TMEM74: variants seen among roughly 807,000 people sequenced by gnomAD.
The protein encoded by TMEM74 is transmembrane protein 74.
Under a neutral mutation model 18.1 loss-of-function variants are expected in TMEM74, and 13 were observed. The ratio of observed to expected loss-of-function variants is 0.72; its 90% CI spans 0.47 to 1.14. TMEM74 has a LOEUF of 1.14. Ranked by LOEUF, TMEM74 falls within the 50% of genes most tolerant of loss-of-function variation. The pLI, the probability that TMEM74 is intolerant of heterozygous loss-of-function variation, is 0.00. For missense variants in TMEM74, 372 were observed against 375.9 expected, an observed-to-expected ratio of 0.99 and a Z score of 0.09; for synonymous variants, 159 against 146.6, an observed-to-expected ratio of 1.08 and a Z score of -0.61.
intron 1 of TMEM74, among the ~76,000 whole-genome samples, chr8:108,704,460 C>T (rs555652921): frequency 1.1e-4 from 17 of 152,172 alleles, no homozygotes; most frequent in Non-Finnish European, 1.9e-4. Context: ...AACTTTTTAT[C>T]GATTTGTGAT....
chr8:108,643,188 A>C (rs1812683329), intron 2 of TMEM74, among the ~76,000 whole-genome samples: 1 of 152,310 alleles, frequency 6.6e-6, no homozygotes, highest in East Asian at 1.9e-4. Flanking sequence ...AGTGTGCATC[A>C]AAATCATTTG....
intron 2 of TMEM74, among the ~76,000 whole-genome samples, chr8:108,631,581 A>C (rs1812552721): frequency 6.6e-6 from 1 of 152,002 alleles, no homozygotes; most frequent in Non-Finnish European, 1.5e-5. Context: ...TTTTCCTTGT[A>C]AATTGGTTTA....
chr8:108,617,047 G>A (rs1812391267), intron 2 of TMEM74, among the ~76,000 whole-genome samples: 1 of 151,838 alleles, frequency 6.6e-6, no homozygotes, highest in Non-Finnish European at 1.5e-5. Context: ...TAGAGTGGAA[G>A]AGGAGATGAT....
At chr8:108,736,252 G>A (rs1489224501) in intron 1 of TMEM74, among the ~76,000 whole-genome samples, 1 of 151,890 alleles carries the variant, frequency 6.6e-6, no homozygotes, top group Non-Finnish European at 1.5e-5. Flanking sequence ...TTATATTTGA[G>A]GTCTACTTGT....
intron 1 of TMEM74, among the ~76,000 whole-genome samples, chr8:108,677,640 G>A (rs912546976): frequency 6.6e-6 from 1 of 151,326 alleles, no homozygotes; most frequent in South Asian, 2.1e-4. Context: ...TTCCAGAAAT[G>A]CCTCAAACTC....
At position 108,785,077 on chromosome 8, in the gene TMEM74, T is replaced by C. The variant is rs984741241; in HGVS notation, c.22A>G (p.Lys8Glu). 1.2e-6 allele frequency: 2 copies of C among 1,607,354 alleles called. No individual in the cohort carries two copies. The highest frequency in any genetic ancestry group is 1.7e-6 in the Non-Finnish European group (2 of 1,177,374). MELHYLA[K>E]KSNQADLCDA... is the part of the protein sequence containing the mutation. ...CAGAGGTCTGCCTGGTTGCTCTTCT[T>C]AGCAAGGTAGTGGAGCTCCATGAGA... The change falls in exon 2 of 2, where the codon AAG (lysine) becomes GAG (glutamate). Residue 8 changes from lysine (K) to glutamate (E), a missense_variant. Physicochemically the swap from Lys to Glu is moderately conservative, Grantham distance 56. Coordinates refer to ENST00000297459, the MANE Select transcript of TMEM74 (RefSeq NM_153015.3).
chr8:108,752,459 G>A (rs959134192), intron 1 of TMEM74, among the ~76,000 whole-genome samples: 1 of 152,076 alleles, frequency 6.6e-6, no homozygotes, highest in African/African-American at 2.4e-5. Context: ...CTTGGTCAAA[G>A]GTCAATGACA....
At chr8:108,680,753 A>G (rs1563524296) in intron 1 of TMEM74, among the ~76,000 whole-genome samples, 1 of 152,340 alleles carries the variant, frequency 6.6e-6, no homozygotes, top group South Asian at 2.1e-4. Flanking sequence ...TCATGACTGT[A>G]TATCTAGAAA....
At chr8:108,763,224 T>C (rs1166729383) in intron 1 of TMEM74, among the ~76,000 whole-genome samples, 2 of 151,946 alleles carry the variant, frequency 1.3e-5, no homozygotes, top group East Asian at 3.9e-4. Flanking sequence ...TCCCATCTAT[T>C]ATGCCTTAGA....
At chr8:108,739,740 G>T (rs898448327) in intron 1 of TMEM74, among the ~76,000 whole-genome samples, 3 of 152,060 alleles carry the variant, frequency 2.0e-5, no homozygotes, top group Non-Finnish European at 2.9e-5. Context: ...TCCATATCTG[G>T]TGCTTTAGCT....
rs149461267 is a variant in TMEM74 at position 108,769,148 on chromosome 8, G to T, written n.119+18328C>A. ...TGAAACACTATTTTTAGTAGTAGTA[G>T]GTTACTACTACTACTAAAAAAAAAA... On this transcript the variant is annotated intron_variant and non_coding_transcript_variant, in intron 1 of 3. Transcript: ENST00000518838. Among the ~76,000 whole-genome samples the T allele has an allele frequency of 2.8e-3, 414 of 150,070 alleles. 2 individuals carry two copies. The highest frequency in any genetic ancestry group is 9.7e-3 in the African/African-American group (398 of 40,942).
intron 2 of TMEM74, among the ~76,000 whole-genome samples, chr8:108,644,216 G>A (rs886169150): frequency 7.2e-5 from 11 of 152,004 alleles, no homozygotes; most frequent in African/African-American, 1.7e-4. Flanking sequence ...CAGCCTTGTC[G>A]ATCCTTGACA....
intron 2 of TMEM74, among the ~76,000 whole-genome samples, chr8:108,630,645 A>G (rs569247627): frequency 6.6e-6 from 1 of 152,172 alleles, no homozygotes; most frequent in African/African-American, 2.4e-5. Context: ...AGTGCAATCA[A>G]ATTAGAACTC....
At chr8:108,627,353 C>G (rs539089323) in intron 2 of TMEM74, among the ~76,000 whole-genome samples, 1 of 151,902 alleles carries the variant, frequency 6.6e-6, no homozygotes, top group Non-Finnish European at 1.5e-5. Flanking sequence ...GATAGTATGA[C>G]ATAGAAACAT....
intron 1 of TMEM74, among the ~76,000 whole-genome samples, chr8:108,669,060 C>T (rs1305835405): frequency 6.6e-6 from 1 of 152,012 alleles, no homozygotes; most frequent in Non-Finnish European, 1.5e-5. Context: ...GAGATCTTGG[C>T]TCCTTACACA....
intron 1 of TMEM74, among the ~76,000 whole-genome samples, chr8:108,765,931 AAG>A (rs77061020): frequency 0.41 from 62,258 of 151,712 alleles, 13,655 homozygotes; most frequent in African/African-American, 0.57. Context: ...GTGAAAAAAA[AAG>A]TGTGTAAGAA....
At chr8:108,758,057 ACTAGG>A (rs1440952699) in intron 1 of TMEM74, among the ~76,000 whole-genome samples, 1 of 152,052 alleles carries the variant, frequency 6.6e-6, no homozygotes. Flanking sequence ...GACATAAGTA[ACTAGG>A]CTCTATCGTT....
At chr8:108,718,390 T>C (rs1166735035) in intron 1 of TMEM74, among the ~76,000 whole-genome samples, 1 of 152,156 alleles carries the variant, frequency 6.6e-6, no homozygotes, top group African/African-American at 2.4e-5. Flanking sequence ...TAAATAAATA[T>C]ATATACATTG....
intron 2 of TMEM74, among the ~76,000 whole-genome samples, chr8:108,636,195 AAGG>A (rs1354460029): frequency 1.1e-4 from 16 of 152,042 alleles, no homozygotes; most frequent in Non-Finnish European, 1.8e-4. Flanking sequence ...AAAAAGTTGC[AAGG>A]AGATCTTCCA....
Sources: allele counts gnomAD v4.1 joint callset (sites outside exome capture counted in the v4.1 genomes callset), GRCh38; gene constraint gnomAD v4.1.1; transcripts MANE v1.5; gene names NCBI Gene and HGNC (gene_info 2026-07-23, HGNC 2026-07-21).